Variants in FGF3 observed in about 807,000 individuals in gnomAD.
FGF3 encodes FGF-3.
Under a neutral mutation model 9.8 loss-of-function variants are expected in FGF3, and 7 were observed. The observed-to-expected ratio is 0.72, with a 90% CI of 0.41 to 1.35. FGF3 has a LOEUF of 1.35. FGF3 is among the 40% of genes most tolerant of loss of function. FGF3 has a pLI of 0.01. For synonymous variants in FGF3, 173 were observed against 157.2 expected, an observed-to-expected ratio of 1.10 and a Z score of -0.75; for missense variants, 390 against 345.6, an observed-to-expected ratio of 1.13 and a Z score of -1.02.
Position 69,819,100 on chromosome 11 carries a change from C to CGA in FGF3, c.-169_-168dup, listed in dbSNP as rs1554981491. On this transcript the variant is annotated 5_prime_UTR_variant, in exon 1 of 3. Coordinates refer to ENST00000334134, the MANE Select transcript of FGF3 (RefSeq NM_005247.4). ...TGGGGGAAGAAGGGGGAAGGGTGGG[C>CGA]GAGAGAGAGAAAGAGAGGGAGAGTG... 2.3e-6 allele frequency: 1 copy of CGA among 427,532 alleles called. No homozygotes were observed. Among genetic ancestry groups the CGA allele is most frequent in the African/African-American group, 2.1e-5 (1 of 46,592 alleles). The allele number at this position is 427,532 out of a possible 1,614,324, so 26.5% of individuals were successfully genotyped here. A position where few individuals can be genotyped will look rare whatever the true frequency, so the allele number is the denominator to read the frequency against.
Position 69,810,259 on chromosome 11 carries a change from A to G in FGF3, c.*46T>C, listed in dbSNP as rs1856001118. On this transcript the variant is annotated 3_prime_UTR_variant, in exon 3 of 3. Transcript: ENST00000334134. ...GGAGAGTCAGAGTCAAGAGGCTGCC[A>G]CGCCAAGATGTCGCCAGGAGCTCTG... is the stretch of plus-strand genomic sequence containing the variant. 5.3e-6 allele frequency: 8 copies of G among 1,502,212 alleles called. No homozygotes were observed. Among genetic ancestry groups the G allele is most frequent in the Non-Finnish European group, 3.6e-6 (4 of 1,116,924 alleles). The allele number at this position is 1,502,212 out of a possible 1,614,324, so 93.1% of individuals were successfully genotyped here.
At chr11:69,816,286 G>T (rs371663857) in intron 2 of FGF3, 34 bp downstream of exon 2, 1 of 1,507,202 alleles carries the variant, frequency 6.6e-7, no homozygotes, top group Non-Finnish European at 9.2e-7. Context: ...CCGCTACTCC[G>T]TCAGCGCCCA....
intron 1 of FGF3, 148 bp downstream of exon 1, chr11:69,818,566 C>T: frequency 1.9e-6 from 1 of 526,108 alleles, no homozygotes; most frequent in Non-Finnish European, 3.1e-6. Flanking sequence ...CGGTCTTTTC[C>T]CGGACACCCC....
In FGF3 at chr11:69,810,223, G is replaced by C. The variant is rs1554980271; in HGVS notation, c.*82C>G. 2 of 1,325,778 alleles carry C rather than the reference G, an allele frequency of 1.5e-6. No individual in the cohort carries two copies. The highest frequency in any genetic ancestry group is 2.7e-5 in the Admixed American group (1 of 37,214). 82.1% of individuals were successfully genotyped at this position (1,325,778 alleles called of 1,614,324 possible). ...ACCCAGACGCGGGACGCAGGGGCAA[G>C]GGCTCAAGGAGGAGAGTCAGAGTCA... On this transcript the variant is annotated 3_prime_UTR_variant, in exon 3 of 3. Transcript: ENST00000334134.
At chr11:69,813,876 A>G (rs1554980785) in intron 2 of FGF3, among the ~76,000 whole-genome samples, 33 of 138,324 alleles carry the variant, frequency 2.4e-4, no homozygotes, top group East Asian at 7.1e-4. Context: ...GGATAGGTGG[A>G]TGGATGGATG....
At chr11:69,818,627 C>T in intron 1 of FGF3, 87 bp downstream of exon 1, 2 of 1,051,292 alleles carry the variant, frequency 1.9e-6, no homozygotes, top group Non-Finnish European at 2.5e-6. Flanking sequence ...CGCCGCCTCC[C>T]CCGCGGGGCC....
chr11:69,818,758 T>A lies in FGF3; in HGVS notation c.176A>T (p.His59Leu). 1 of 1,495,284 alleles carries A rather than the reference T, an allele frequency of 6.7e-7. No homozygotes were observed. The highest frequency in any genetic ancestry group is 8.9e-7 in the Non-Finnish European group (1 of 1,128,936). The allele number at this position is 1,495,284 out of a possible 1,614,324, so 92.6% of individuals were successfully genotyped here. A position where few individuals can be genotyped will look rare whatever the true frequency, so the allele number is the denominator to read the frequency against. ...GCTGCCGTTGACGCGGCCGCTCGGGTGCAGCTGGAGGTGGTACTTCGTGGC... is the reference window on the plus strand; with the variant it reads ...GCTGCCGTTGACGCGGCCGCTCGGGAGCAGCTGGAGGTGGTACTTCGTGGC... ...YCATKYHLQL[H>L]PSGRVNGSLE... Residue 59 changes from histidine (H) to leucine (L), a missense_variant, in exon 1 of 3, where the codon CAC becomes CTC. Physicochemically the swap from His to Leu is moderately conservative, Grantham distance 99. Coordinates refer to ENST00000334134, the MANE Select transcript of FGF3 (RefSeq NM_005247.4).
chr11:69,813,617 TGGATGGATG>T (rs1856064138), intron 2 of FGF3, among the ~76,000 whole-genome samples: 2 of 62,104 alleles, frequency 3.2e-5, no homozygotes, highest in East Asian at 5.2e-4. Context: ...GATGGATGGG[TGGATGGATG>T]GATGGATGGA....
chr11:69,818,897 C>G lies in FGF3; in HGVS notation c.37G>C (p.Glu13Gln). 1.4e-6 allele frequency: 2 copies of G among 1,468,092 alleles called. No homozygotes were observed. Among genetic ancestry groups the G allele is most frequent in the Non-Finnish European group, 1.8e-6 (2 of 1,115,878 alleles). 90.9% of individuals were successfully genotyped at this position (1,468,092 alleles called of 1,614,324 possible). Residue 13 changes from glutamate to glutamine, a missense_variant, in exon 1 of 3, where the codon GAG becomes CAG. Coordinates refer to ENST00000334134, the MANE Select transcript of FGF3 (RefSeq NM_005247.4). ...LIWLLLLSLL[E>Q]PGWPAAGPGA... ...GGGCCCGCTGCGGGCCAGCCGGGCTCCAGCAGGCTGAGCAGTAGCAGCCAG... is the reference window on the plus strand; with the variant it reads ...GGGCCCGCTGCGGGCCAGCCGGGCTGCAGCAGGCTGAGCAGTAGCAGCCAG...
chr11:69,819,026 G>T lies in FGF3; in HGVS notation c.-93C>A. 3 of 810,144 alleles carry T rather than the reference G, an allele frequency of 3.7e-6. No homozygotes were observed. The highest frequency in any genetic ancestry group is 4.4e-5 in the South Asian group (2 of 45,202). The allele number at this position is 810,144 out of a possible 1,614,324, so 50.2% of individuals were successfully genotyped here. A position where few individuals can be genotyped will look rare whatever the true frequency, so the allele number is the denominator to read the frequency against. ...CAGCCGGACAGCTGCGAGGTGCTCG[G>T]AGCGGGATCCCGCGCCTGGAGATGC... On this transcript the variant is annotated 5_prime_UTR_variant, in exon 1 of 3. Transcript: ENST00000334134.
intron 2 of FGF3, among the ~76,000 whole-genome samples, chr11:69,811,443 T>A (rs1590961964): frequency 2.3e-5 from 2 of 86,650 alleles, no homozygotes; most frequent in African/African-American, 4.7e-5. Context: ...AGAGCAAAAC[T>A]CTGACTCAAA....
rs1554981385 is a variant in FGF3, at chr11:69,818,722, C to T, written c.212G>A (p.Ser71Asn). ...CAGCGTCCGGCACTCACTGTAGGCG[C>T]TGTTCTCCAGGCTGCCGTTGACGCG... ...SGRVNGSLENSAYSILEITAV... is the reference protein window; with the variant it reads ...SGRVNGSLENNAYSILEITAV... The change falls in exon 1 of 3, where the codon AGC becomes AAC. Residue 71 changes from serine to asparagine, a missense_variant. By Grantham distance (46) the Ser-to-Asn change is conservative (BLOSUM62 1). Transcript: ENST00000334134. 1 of 1,488,868 alleles carries T rather than the reference C, an allele frequency of 6.7e-7. No individual in the cohort carries two copies. Among genetic ancestry groups the T allele is most frequent in the Admixed American group, 2.2e-5 (1 of 45,120 alleles). 92.2% of individuals were successfully genotyped at this position (1,488,868 alleles called of 1,614,324 possible). A position where few individuals can be genotyped will look rare whatever the true frequency, so the allele number is the denominator to read the frequency against.
chr11:69,812,681 C>T (rs1253033386), intron 2 of FGF3, among the ~76,000 whole-genome samples: 4 of 152,178 alleles, frequency 2.6e-5, no homozygotes, highest in African/African-American at 9.7e-5. Context: ...ACACTGGGTA[C>T]ACCATGTTAG....
At chr11:69,813,217 G>A (rs1353258590) in intron 2 of FGF3, among the ~76,000 whole-genome samples, 5 of 152,154 alleles carry the variant, frequency 3.3e-5, no homozygotes, top group Admixed American at 1.3e-4. Flanking sequence ...TTTCTCATGG[G>A]CATTTTCTGG....
chr11:69,816,223 A>G lies in FGF3; in HGVS notation c.324+97T>C. On this transcript the variant is annotated intron_variant, in intron 2 of 2. Coordinates refer to ENST00000334134, the MANE Select transcript of FGF3 (RefSeq NM_005247.4). ...AGCTTGGGTCCCGTGTACCCTTGGCAAAGCATTCTACTGCCCACATCCCCC... is the reference window on the plus strand; with the variant it reads ...AGCTTGGGTCCCGTGTACCCTTGGCGAAGCATTCTACTGCCCACATCCCCC... 3 of 976,754 alleles carry G rather than the reference A, an allele frequency of 3.1e-6. No individual in the cohort carries two copies. The Admixed American group carries it at 5.1e-5, about 17-fold the overall frequency. 60.5% of individuals were successfully genotyped at this position (976,754 alleles called of 1,614,324 possible).
chr11:69,816,807 C>T (rs1159869770), intron 1 of FGF3, among the ~76,000 whole-genome samples: 4 of 152,222 alleles, frequency 2.6e-5, no homozygotes, highest in African/African-American at 9.6e-5. Flanking sequence ...TGTGCTTGAG[C>T]GGGAAATCAA....
rs893053531 is a variant in FGF3, at chr11:69,819,408, C to A, written c.-475G>T. On this transcript the variant is annotated 5_prime_UTR_variant, in exon 1 of 3. Coordinates refer to ENST00000334134, the MANE Select transcript of FGF3 (RefSeq NM_005247.4). ...CGCGCCCCACGCCCCCGAAAGCCCT[C>A]CTGGCTCTGAAAGGTCCCCTACCCG... Among the ~76,000 whole-genome samples, 16 of 152,016 alleles carry A rather than the reference C, an allele frequency of 1.1e-4. No individual in the cohort carries two copies. The highest frequency in any genetic ancestry group is 1.8e-4 in the Non-Finnish European group (12 of 67,920).
At chr11:69,817,506 C>A (rs12362747) in intron 1 of FGF3, 49,442 of 152,188 alleles carry the variant, frequency 0.32, 8,202 homozygotes, top group East Asian at 0.42. Context: ...GGATGCTGTG[C>A]GACTCCGAGG....
Position 69,819,092 on chromosome 11 carries a change from A to C in FGF3, c.-159T>G. 7.4e-5 allele frequency: 26 copies of C among 349,350 alleles called. No individual in the cohort carries two copies. The highest frequency in any genetic ancestry group is 1.1e-4 in the East Asian group (2 of 18,210). 21.6% of individuals were successfully genotyped at this position (349,350 alleles called of 1,614,324 possible). On this transcript the variant is annotated 5_prime_UTR_variant, in exon 1 of 3. Transcript: ENST00000334134. ...GGGAAAGGTGGGGGAAGAAGGGGGA[A>C]GGGTGGGCGAGAGAGAGAAAGAGAG... is the stretch of plus-strand genomic sequence containing the variant.
Sources: allele counts gnomAD v4.1 joint callset (sites outside exome capture counted in the v4.1 genomes callset), GRCh38; gene constraint gnomAD v4.1.1; transcripts MANE v1.5; gene names NCBI Gene and HGNC (gene_info 2026-07-23, HGNC 2026-07-21).